The following HCRTR2 variants were observed in gnomAD, a reference collection of about 807,000 sequenced individuals.
HCRTR2 encodes the protein hypocretin receptor 2.
HCRTR2 carries 22 observed loss-of-function variants against 49.0 expected under a neutral mutation model. That is an observed-to-expected ratio of 0.45 (90% CI 0.32 to 0.64). The LOEUF (loss-of-function observed/expected upper bound fraction) is 0.64. Ranked by LOEUF, HCRTR2 falls within the 30% of genes least tolerant of loss-of-function variation. The pLI, the probability that HCRTR2 is intolerant of heterozygous loss-of-function variation, is 0.04. For missense variants in HCRTR2, 491 were observed against 559.4 expected (o/e 0.88, Z 1.23); for synonymous variants, 236 against 205.3 (o/e 1.15, Z -1.28).
chr6:55,229,008 C>T (rs571994437), intron 1 of HCRTR2, among the ~76,000 whole-genome samples: 7 of 152,004 alleles, frequency 4.6e-5, no homozygotes, highest in African/African-American at 7.2e-5. Context: ...TGCATGTGGA[C>T]GAGGCTGATT....
chr6:55,137,764 C>T (rs186263500), intron 1 of HCRTR2, among the ~76,000 whole-genome samples: 94 of 152,296 alleles, frequency 6.2e-4, no homozygotes, highest in Non-Finnish European at 1.1e-3. Context: ...AACACTTTAC[C>T]TACTGGGTAA....
In HCRTR2 at chr6:55,275,385, C is replaced by A. The variant is rs140375016; in HGVS notation, c.763-1995C>A. Among the ~76,000 whole-genome samples, 514 of 152,114 alleles carry A rather than the reference C, an allele frequency of 3.4e-3. 2 individuals are homozygous for A. The highest frequency in any genetic ancestry group is 0.012 in the African/African-American group (499 of 41,504). ...ATTAAGGATTACTAGTGCATAGTTC[C>A]TGGAGCTCAGTAATGTCAGTTATTC... is the stretch of plus-strand genomic sequence containing the variant. On this transcript the variant is annotated intron_variant, in intron 4 of 6. Coordinates refer to ENST00000370862, the MANE Select transcript of HCRTR2 (RefSeq NM_001384272.1).
chr6:55,111,968 G>C (rs1044379042), intron 1 of HCRTR2, among the ~76,000 whole-genome samples: 2 of 151,940 alleles, frequency 1.3e-5, no homozygotes, highest in African/African-American at 4.8e-5. Context: ...TTTTATAGTA[G>C]GGATGCAGGA....
At chr6:55,273,994 T>C (rs1316146748) in intron 4 of HCRTR2, among the ~76,000 whole-genome samples, 1 of 150,930 alleles carries the variant, frequency 6.6e-6, no homozygotes, top group East Asian at 2.0e-4. Flanking sequence ...AAAGAATAAA[T>C]TCTTTTTTTA....
intron 1 of HCRTR2, among the ~76,000 whole-genome samples, chr6:55,164,753 T>G (rs908210048): frequency 2.0e-5 from 3 of 150,322 alleles, no homozygotes; most frequent in African/African-American, 7.4e-5. Flanking sequence ...TGCACATGTA[T>G]CCCAGAACTT....
chr6:55,250,589 T>A (rs941636723), intron 2 of HCRTR2, among the ~76,000 whole-genome samples: 37 of 152,170 alleles, frequency 2.4e-4, no homozygotes, highest in African/African-American at 8.9e-4. Context: ...AGTCATGTGC[T>A]AATGCACAGC....
intron 4 of HCRTR2, among the ~76,000 whole-genome samples, chr6:55,264,153 G>T (rs181220764): frequency 2.0e-5 from 3 of 151,726 alleles, no homozygotes; most frequent in African/African-American, 7.3e-5. Context: ...CACTAATTTC[G>T]CTTTCTATGA....
At chr6:55,251,527 TA>T (rs1272244220) in intron 2 of HCRTR2, among the ~76,000 whole-genome samples, 3 of 151,980 alleles carry the variant, frequency 2.0e-5, no homozygotes, top group African/African-American at 7.2e-5. Context: ...TGATTTTTTT[TA>T]ACTGCAGAAG....
chr6:55,188,614 A>G (rs979696987), intron 1 of HCRTR2, among the ~76,000 whole-genome samples: 1 of 152,166 alleles, frequency 6.6e-6, no homozygotes, highest in Non-Finnish European at 1.5e-5. Context: ...TCCTTTTCTT[A>G]TTTCATTCAG....
At position 55,282,481 on chromosome 6, in the gene HCRTR2, C is replaced by A; in HGVS notation, c.*27C>A. The A allele has an allele frequency of 8.5e-7, 1 of 1,173,040 alleles. No individual in the cohort carries two copies. The highest frequency in any genetic ancestry group is 1.3e-6 in the Non-Finnish European group (1 of 787,860). The allele number at this position is 1,173,040 out of a possible 1,614,324, so 72.7% of individuals were successfully genotyped here. ...ATATTTATTCATATGACAAGGATACCTGAGTAAAACTATCCTTTTTAAAAT... is the reference window on the plus strand; with the variant it reads ...ATATTTATTCATATGACAAGGATACATGAGTAAAACTATCCTTTTTAAAAT... On this transcript the variant is annotated 3_prime_UTR_variant, in exon 7 of 7. Transcript: ENST00000370862.
chr6:55,208,781 C>T (rs1049939057), intron 1 of HCRTR2, among the ~76,000 whole-genome samples: 3 of 152,036 alleles, frequency 2.0e-5, no homozygotes, highest in Admixed American at 6.6e-5. Context: ...TTTATAGGTA[C>T]ATTTAGATGA....
At chr6:55,197,217 A>G (rs1765432531) in intron 1 of HCRTR2, among the ~76,000 whole-genome samples, 1 of 152,142 alleles carries the variant, frequency 6.6e-6, no homozygotes, top group Non-Finnish European at 1.5e-5. Flanking sequence ...CCTAACATTA[A>G]CCACAAACCT....
Position 55,149,336 on chromosome 6 carries a change from G to A in HCRTR2, c.-377-24875G>A, listed in dbSNP as rs142209170. The stretch of plus-strand genomic sequence containing the variant: ...TGTACCACTATGGTCACCCAACAGG[G>A]TTTAATACTACACAGCAGGGATTTT... On this transcript the variant is annotated intron_variant, in intron 1 of 7. Coordinates refer to the HCRTR2 transcript ENST00000615358. Among the ~76,000 whole-genome samples the A allele has an allele frequency of 4.0e-3, 611 of 152,188 alleles. 5 individuals are homozygous for A. Among genetic ancestry groups the A allele is most frequent in the African/African-American group, 0.014 (574 of 41,562 alleles).
At chr6:55,158,592 C>T (rs147207571) in intron 1 of HCRTR2, among the ~76,000 whole-genome samples, 2 of 152,316 alleles carry the variant, frequency 1.3e-5, no homozygotes, top group Non-Finnish European at 2.9e-5. Flanking sequence ...AGTCTGAAGT[C>T]AACCTGGGAT....
chr6:55,235,507 A>C (rs548167223), intron 1 of HCRTR2, among the ~76,000 whole-genome samples: 7 of 152,086 alleles, frequency 4.6e-5, no homozygotes, highest in African/African-American at 1.7e-4. Context: ...GGTTTGTTTA[A>C]TTTTTCAAAC....
chr6:55,163,528 G>T (rs4385312), intron 1 of HCRTR2, among the ~76,000 whole-genome samples: 1 of 151,956 alleles, frequency 6.6e-6, no homozygotes. Context: ...AATGGGGAAA[G>T]GATTTCCTAT....
At chr6:55,143,622 A>T (rs1764539651) in intron 1 of HCRTR2, among the ~76,000 whole-genome samples, 1 of 152,222 alleles carries the variant, frequency 6.6e-6, no homozygotes, top group South Asian at 2.1e-4. Flanking sequence ...AATAATAGCT[A>T]ACATTTATTT....
intron 1 of HCRTR2, among the ~76,000 whole-genome samples, chr6:55,122,137 C>A (rs901052821): frequency 6.6e-6 from 1 of 152,164 alleles, no homozygotes; most frequent in South Asian, 2.1e-4. Flanking sequence ...GCCTCAATTT[C>A]AGAGCCTGTT....
At chr6:55,277,358 G>C (rs1180188246) in intron 4 of HCRTR2, 22 bp from the exon 5 acceptor site, 1 of 1,581,882 alleles carries the variant, frequency 6.3e-7, no homozygotes, top group Admixed American at 1.7e-5. Context: ...TTGCAATAAG[G>C]GTCTGTCTCT....
Sources: allele counts gnomAD v4.1 joint callset (sites outside exome capture counted in the v4.1 genomes callset), GRCh38; gene constraint gnomAD v4.1.1; transcripts MANE v1.5; gene names NCBI Gene and HGNC (gene_info 2026-07-23, HGNC 2026-07-21).